The following LEF1 variants were observed in gnomAD, a reference collection of about 807,000 sequenced individuals.
LEF1 encodes lymphoid enhancer binding factor 1.
LEF1 carries 14 observed loss-of-function variants against 51.2 expected under a neutral mutation model. The observed-to-expected ratio is 0.27, with a 90% confidence interval of 0.18 to 0.43. LEF1 has a LOEUF of 0.43. LEF1 is among the 20% of genes least tolerant of loss of function. The probability of loss-of-function intolerance (pLI) is 1.00; values close to 1 mark genes in which losing one functional copy is unlikely to be tolerated. For missense variants in LEF1, 386 were observed against 512.0 expected (o/e 0.75, Z 2.37); for synonymous variants, 185 against 183.2 (o/e 1.01, Z -0.08).
chr4:108,059,204 G>A (rs1737508817), intron 11 of LEF1, among the ~76,000 whole-genome samples: 1 of 152,178 alleles, frequency 6.6e-6, no homozygotes, highest in Non-Finnish European at 1.5e-5. Flanking sequence ...AACACAACCG[G>A]GTGAATAAAG....
chr4:108,141,796 C>A (rs1743676534), intron 3 of LEF1, among the ~76,000 whole-genome samples: 1 of 152,140 alleles, frequency 6.6e-6, no homozygotes, highest in Admixed American at 6.5e-5. Flanking sequence ...TCTGACATCA[C>A]CGATAGCTGT....
intron 9 of LEF1, among the ~76,000 whole-genome samples, chr4:108,064,655 TCACACA>T (rs59828005): frequency 0.14 from 17,993 of 127,722 alleles, 2,026 homozygotes; most frequent in African/African-American, 0.32. Context: ...TCTCTCTCAC[TCACACA>T]CACACACACA....
At chr4:108,075,055 C>T (rs931963967) in intron 8 of LEF1, among the ~76,000 whole-genome samples, 7 of 152,144 alleles carry the variant, frequency 4.6e-5, no homozygotes, top group Non-Finnish European at 1.0e-4. Context: ...GTTTTTAAGG[C>T]GGAGTTCTTC....
At chr4:108,070,966 T>C in intron 8 of LEF1, 196 bp from the exon 9 acceptor site, 1 of 516,176 alleles carries the variant, frequency 1.9e-6, no homozygotes, top group Non-Finnish European at 3.5e-6. Flanking sequence ...AAACTTTGGT[T>C]TCTCTATCCT....
chr4:108,138,472 C>A (rs1234951119), intron 3 of LEF1, among the ~76,000 whole-genome samples: 2 of 151,202 alleles, frequency 1.3e-5, no homozygotes, highest in Non-Finnish European at 2.9e-5. Flanking sequence ...GCTTTAAACA[C>A]TGCATTATAT....
chr4:108,156,576 T>C (rs1355211321), intron 3 of LEF1, among the ~76,000 whole-genome samples: 1 of 152,174 alleles, frequency 6.6e-6, no homozygotes, highest in African/African-American at 2.4e-5. Flanking sequence ...TACTCTGTGC[T>C]AGGCTGACTG....
intron 3 of LEF1, among the ~76,000 whole-genome samples, chr4:108,110,989 A>T (rs533977319): frequency 6.6e-6 from 1 of 152,220 alleles, no homozygotes; most frequent in African/African-American, 2.4e-5. Context: ...GTAAACTAGT[A>T]TATAGAAAGA....
chr4:108,099,154 C>T (rs1279115481), intron 3 of LEF1, among the ~76,000 whole-genome samples: 1 of 151,950 alleles, frequency 6.6e-6, no homozygotes, highest in Non-Finnish European at 1.5e-5. Context: ...ATATTATGTT[C>T]AATAAATTTA....
Position 108,083,449 on chromosome 4 carries a change from G to A in LEF1, c.548-3C>T. The A allele has an allele frequency of 6.3e-7, 1 of 1,592,706 alleles. No homozygotes were observed. The highest frequency in any genetic ancestry group is 8.6e-7 in the Non-Finnish European group (1 of 1,161,532). On this transcript the variant is annotated splice_polypyrimidine_tract_variant and splice_region_variant and intron_variant, in intron 4 of 11. Coordinates refer to ENST00000265165, the MANE Select transcript of LEF1 (RefSeq NM_016269.5). Reference sequence around the variant, plus strand: ...AGCTGGAGGATGTCTGGACATGCCTGTTAAACAGAACAGAGAGGTATCATT... The same window carrying A: ...AGCTGGAGGATGTCTGGACATGCCTATTAAACAGAACAGAGAGGTATCATT...
At chr4:108,088,330 T>A (rs1739781511) in intron 4 of LEF1, among the ~76,000 whole-genome samples, 1 of 152,200 alleles carries the variant, frequency 6.6e-6, no homozygotes, top group South Asian at 2.1e-4. Context: ...TTTTTTAAAA[T>A]CTTTTATTTT....
intron 11 of LEF1, among the ~76,000 whole-genome samples, chr4:108,056,716 C>A (rs1321158095): frequency 6.6e-6 from 1 of 152,146 alleles, no homozygotes; most frequent in Non-Finnish European, 1.5e-5. Context: ...TAGGCCGTCA[C>A]CTCAGACTGG....
intron 9 of LEF1, among the ~76,000 whole-genome samples, chr4:108,066,714 T>C (rs4956153): frequency 0.72 from 109,108 of 152,178 alleles, 42,776 homozygotes; most frequent in East Asian, 0.96. Context: ...AATGTCAAGT[T>C]ATACAAAAAC....
At chr4:108,114,307 A>G (rs1741708178) in intron 3 of LEF1, among the ~76,000 whole-genome samples, 1 of 152,226 alleles carries the variant, frequency 6.6e-6, no homozygotes, top group South Asian at 2.1e-4. Flanking sequence ...GAAGCCAGGG[A>G]GGAGGACCAA....
At chr4:108,127,576 C>T (rs758592873) in intron 3 of LEF1, among the ~76,000 whole-genome samples, 3 of 152,176 alleles carry the variant, frequency 2.0e-5, no homozygotes, top group Non-Finnish European at 2.9e-5. Context: ...TACTTGAAAA[C>T]CACCTCAGTG....
chr4:108,066,053 C>T (rs1168035505), intron 9 of LEF1, among the ~76,000 whole-genome samples: 2 of 152,158 alleles, frequency 1.3e-5, no homozygotes, highest in Non-Finnish European at 2.9e-5. Flanking sequence ...TAGGCGCATG[C>T]TACCATGCCT....
rs77417223 is a variant in LEF1 at position 108,063,697 on chromosome 4, T to G, written c.1166-34A>C. The G allele has an allele frequency of 5.4e-4, 808 of 1,503,950 alleles. 3 individuals carry two copies. Among genetic ancestry groups the G allele is most frequent in the African/African-American group, 2.9e-3 (206 of 71,342 alleles). 93.2% of individuals were successfully genotyped at this position (1,503,950 alleles called of 1,614,324 possible). A position where few individuals can be genotyped will look rare whatever the true frequency, so the allele number is the denominator to read the frequency against. On this transcript the variant is annotated intron_variant, in intron 10 of 11. Coordinates refer to ENST00000265165, the MANE Select transcript of LEF1 (RefSeq NM_016269.5). ...AATTGTGTCTTTAACAAATTTTTATTGAAGAGGTTTTTGTACATTCCAAAT... is the reference window on the plus strand; with the variant it reads ...AATTGTGTCTTTAACAAATTTTTATGGAAGAGGTTTTTGTACATTCCAAAT...
At chr4:108,129,100 A>G (rs1490327763) in intron 3 of LEF1, among the ~76,000 whole-genome samples, 1 of 152,130 alleles carries the variant, frequency 6.6e-6, no homozygotes, top group Non-Finnish European at 1.5e-5. Context: ...TTCTGCTTCT[A>G]TTCTTCCTCA....
At chr4:108,054,416 C>T (rs550731105) in intron 11 of LEF1, among the ~76,000 whole-genome samples, 17 of 152,332 alleles carry the variant, frequency 1.1e-4, no homozygotes, top group South Asian at 4.1e-4. Context: ...CGCTGCTACT[C>T]GCCAGCTGCA....
At position 108,089,196 on chromosome 4, in the gene LEF1, G is replaced by A; in HGVS notation, c.476C>T (p.Thr159Ile). The A allele has an allele frequency of 6.2e-7, 1 of 1,614,140 alleles. No individual in the cohort carries two copies. Among genetic ancestry groups the A allele is most frequent in the South Asian group, 1.1e-5 (1 of 91,084 alleles). The change falls in exon 4 of 12, where the codon ACT becomes ATT. Residue 159 changes from threonine (T) to isoleucine (I), a missense_variant. Transcript: ENST00000265165. ...TGGAGAAAAGTGCTCGTCACTGTAA[G>A]TGATGAGGGGGGTGAGAGGATGGAC... Reference protein sequence around the residue: ...HAVHPLTPLITYSDEHFSPGS... With the variant: ...HAVHPLTPLIIYSDEHFSPGS...
Sources: allele counts gnomAD v4.1 joint callset (sites outside exome capture counted in the v4.1 genomes callset), GRCh38; gene constraint gnomAD v4.1.1; transcripts MANE v1.5; gene names NCBI Gene and HGNC (gene_info 2026-07-23, HGNC 2026-07-21).